CDH4: variants seen among roughly 807,000 people sequenced by gnomAD.
CDH4 encodes cadherin-4.
CDH4 carries 33 observed loss-of-function variants against 86.0 expected under a neutral mutation model. The observed-to-expected ratio is 0.38, with a 90% CI of 0.29 to 0.51. The LOEUF (loss-of-function observed/expected upper bound fraction) is 0.51. Ranked by LOEUF, CDH4 falls within the 20% of genes least tolerant of loss-of-function variation. The pLI is 0.86. For missense variants in CDH4, 1,114 were observed against 1,307.4 expected (o/e 0.85, Z 2.28); for synonymous variants, 555 against 549.4 (o/e 1.01, Z -0.14).
chr20:61,913,017 G>A (rs1415815844), intron 9 of CDH4, among the ~76,000 whole-genome samples: 3 of 152,162 alleles, frequency 2.0e-5, no homozygotes, highest in East Asian at 1.9e-4. Context: ...AGCTGGCTGG[G>A]GCCTTCCCCA....
intron 8 of CDH4, among the ~76,000 whole-genome samples, chr20:61,903,778 T>G (rs1382400796): frequency 6.6e-6 from 1 of 152,116 alleles, no homozygotes; most frequent in Non-Finnish European, 1.5e-5. Flanking sequence ...TCGGGCAGGT[T>G]GCCTCCTGGA....
At chr20:61,651,003 G>C (rs1449263437) in intron 2 of CDH4, among the ~76,000 whole-genome samples, 1 of 152,254 alleles carries the variant, frequency 6.6e-6, no homozygotes, top group Non-Finnish European at 1.5e-5. Flanking sequence ...AGAGGGCACT[G>C]GTGTGCTTGT....
At chr20:61,362,855 C>T (rs928592567) in intron 2 of CDH4, among the ~76,000 whole-genome samples, 6 of 152,272 alleles carry the variant, frequency 3.9e-5, no homozygotes, top group Admixed American at 6.5e-5. Context: ...GGTCCAGCAA[C>T]GTGCATCATT....
chr20:61,582,513 G>T lies in CDH4; in HGVS notation c.170-161050G>T, dbSNP rs1050921886. On this transcript the variant is annotated intron_variant, in intron 2 of 15. Transcript: ENST00000614565. This position sits in a 1 kb window ranked among gnomAD's most constrained non-coding sequence, Gnocchi z 4.2. The stretch of plus-strand genomic sequence containing the variant: ...GTTCCAACCTGGTTTCTGGGCACCA[G>T]CAGTTCCCTTTGGCCTGTAGACTTC... Among the ~76,000 whole-genome samples the T allele has an allele frequency of 4.6e-5, 7 of 152,190 alleles. No individual in the cohort carries two copies. Among genetic ancestry groups the T allele is most frequent in the African/African-American group, 1.4e-4 (6 of 41,454 alleles).
chr20:61,739,837 A>G (rs2088311738), intron 2 of CDH4, among the ~76,000 whole-genome samples: 1 of 152,214 alleles, frequency 6.6e-6, no homozygotes, highest in Non-Finnish European at 1.5e-5. Context: ...AAAGTTCTAT[A>G]AGCAGTTGGG....
intron 2 of CDH4, among the ~76,000 whole-genome samples, chr20:61,720,104 G>T (rs1377486464): frequency 6.6e-6 from 1 of 152,158 alleles, no homozygotes; most frequent in African/African-American, 2.4e-5. Flanking sequence ...AGTGCCGCCT[G>T]CTGTTTGGCA....
chr20:61,623,059 G>A lies in CDH4; in HGVS notation c.170-120504G>A, dbSNP rs1397136879. On this transcript the variant is annotated intron_variant, in intron 2 of 15. Coordinates refer to ENST00000614565, the MANE Select transcript of CDH4 (RefSeq NM_001794.5). This position sits in a 1 kb window ranked among gnomAD's most constrained non-coding sequence, Gnocchi z 4.4. ...GACAGTCAGGGAAACAAACGGGGAG[G>A]TGCCTTAGAGGCAAAGCTTCATTTA... is the stretch of plus-strand genomic sequence containing the variant. 1.3e-5 allele frequency among the ~76,000 whole-genome samples: 2 copies of A among 152,180 alleles called. No homozygotes were observed. The highest frequency in any genetic ancestry group is 2.4e-5 in the African/African-American group (1 of 41,430).
At chr20:61,604,565 C>T (rs1442864006) in intron 2 of CDH4, among the ~76,000 whole-genome samples, 10 of 151,662 alleles carry the variant, frequency 6.6e-5, no homozygotes, top group Admixed American at 5.3e-4. Context: ...CTCCCCACCT[C>T]GTGGGTAAGA....
chr20:61,301,042 C>A (rs916111087), intron 2 of CDH4, among the ~76,000 whole-genome samples: 1 of 152,234 alleles, frequency 6.6e-6, no homozygotes, highest in African/African-American at 2.4e-5. Flanking sequence ...CTTCAAAGCT[C>A]ACGACTCTTA....
At chr20:61,869,658 C>T (rs927729845) in intron 6 of CDH4, among the ~76,000 whole-genome samples, 2 of 152,252 alleles carry the variant, frequency 1.3e-5, no homozygotes, top group African/African-American at 4.8e-5. Context: ...ATGCCAAACC[C>T]TCTCACGTCC....
rs150823627 is a variant in CDH4, at chr20:61,347,189, C to T, written c.169+92252C>T. Among the ~76,000 whole-genome samples, 876 of 152,344 alleles carry T rather than the reference C, an allele frequency of 5.8e-3. 3 individuals are homozygous for T. The highest frequency in any genetic ancestry group is 0.019 in the African/African-American group (788 of 41,580). The stretch of plus-strand genomic sequence containing the variant: ...CTGTGGGAGACCAAAGTCATAGCCT[C>T]GTGCCCCACATGGCCGTGAGGCCCT... On this transcript the variant is annotated intron_variant, in intron 2 of 15. Coordinates refer to ENST00000614565, the MANE Select transcript of CDH4 (RefSeq NM_001794.5).
intron 2 of CDH4, among the ~76,000 whole-genome samples, chr20:61,691,297 G>GT (rs1370191161): frequency 1.3e-5 from 2 of 152,146 alleles, no homozygotes; most frequent in East Asian, 3.9e-4. Context: ...ATATGTGTGT[G>GT]TATGTATTTG....
At position 61,544,828 on chromosome 20, in the gene CDH4, C is replaced by T. The variant is rs1010787410; in HGVS notation, c.170-198735C>T. The stretch of plus-strand genomic sequence containing the variant: ...CCCCCGAGGAAGGAACCTTGTTCCT[C>T]GGTTATAAAACTTGAGCTTTTAATT... On this transcript the variant is annotated intron_variant, in intron 2 of 15. Coordinates refer to ENST00000614565, the MANE Select transcript of CDH4 (RefSeq NM_001794.5). This position sits in a 1 kb window ranked among gnomAD's most constrained non-coding sequence, Gnocchi z 6.5. Among the ~76,000 whole-genome samples the T allele has an allele frequency of 3.9e-5, 6 of 152,036 alleles. No individual in the cohort carries two copies. Among genetic ancestry groups the T allele is most frequent in the Admixed American group, 1.3e-4 (2 of 15,270 alleles).
At chr20:61,465,637 A>G (rs550228258) in intron 2 of CDH4, among the ~76,000 whole-genome samples, 1 of 152,324 alleles carries the variant, frequency 6.6e-6, no homozygotes, top group African/African-American at 2.4e-5. Context: ...GTTGTCAGTA[A>G]TGAAGGTAAA....
intron 2 of CDH4, among the ~76,000 whole-genome samples, chr20:61,692,976 T>C (rs2087675997): frequency 6.6e-6 from 1 of 152,162 alleles, no homozygotes; most frequent in Non-Finnish European, 1.5e-5. Flanking sequence ...TTTTTCCAGT[T>C]ATCCAATTAA....
At chr20:61,729,503 C>T (rs1371142536) in intron 2 of CDH4, among the ~76,000 whole-genome samples, 3 of 152,204 alleles carry the variant, frequency 2.0e-5, no homozygotes, top group African/African-American at 7.2e-5. Context: ...TTTATATAGG[C>T]TCAGAGCCCT....
intron 2 of CDH4, among the ~76,000 whole-genome samples, chr20:61,473,013 G>T (rs2145570289): frequency 6.6e-6 from 1 of 152,256 alleles, no homozygotes; most frequent in African/African-American, 2.4e-5. Context: ...ACTCTGGTGG[G>T]GCAGGGGAGG....
chr20:61,777,649 CACACACGT>C, intron 4 of CDH4, among the ~76,000 whole-genome samples: 2 of 150,058 alleles, frequency 1.3e-5, no homozygotes, highest in African/African-American at 4.9e-5. Flanking sequence ...TCTACACACG[CACACACGT>C]GCATACAAAG....
intron 4 of CDH4, among the ~76,000 whole-genome samples, chr20:61,820,210 C>G (rs1980943030): frequency 6.6e-6 from 1 of 152,254 alleles, no homozygotes; most frequent in Admixed American, 6.5e-5. Context: ...ACCAGCGGCT[C>G]TCACTGGCTG....
Sources: allele counts gnomAD v4.1 joint callset (sites outside exome capture counted in the v4.1 genomes callset), GRCh38; gene constraint gnomAD v4.1.1; non-coding constraint Gnocchi (gnomAD v3.1); transcripts MANE v1.5; gene names NCBI Gene and HGNC (gene_info 2026-07-23, HGNC 2026-07-21).